Variants in CACNA2D3 observed in about 807,000 individuals in gnomAD.
The protein encoded by CACNA2D3 is calcium voltage-gated channel auxiliary subunit alpha2delta 3.
CACNA2D3 carries 60 observed loss-of-function variants against 160.6 expected under a neutral mutation model. The ratio of observed to expected loss-of-function variants is 0.37; its 90% CI spans 0.30 to 0.46. CACNA2D3 has a LOEUF of 0.46. CACNA2D3 is among the 20% of genes least tolerant of loss of function. CACNA2D3 has a pLI of 1.00. For missense variants in CACNA2D3, 1,205 were observed against 1,365.0 expected (o/e 0.88, Z 1.85); for synonymous variants, 558 against 492.9 (o/e 1.13, Z -1.75).
chr3:54,336,243 A>G (rs1704375221), intron 3 of CACNA2D3, among the ~76,000 whole-genome samples: 1 of 152,114 alleles, frequency 6.6e-6, no homozygotes, highest in Admixed American at 6.5e-5. Flanking sequence ...CCTGACACGG[A>G]CAAGGAGAGG....
chr3:54,424,364 A>G (rs1699882612), intron 4 of CACNA2D3, among the ~76,000 whole-genome samples: 1 of 152,182 alleles, frequency 6.6e-6, no homozygotes, highest in African/African-American at 2.4e-5. Context: ...TTGAGGTACA[A>G]AAGGAGCTCT....
chr3:54,344,884 C>G (rs1210290912), intron 3 of CACNA2D3, among the ~76,000 whole-genome samples: 3 of 152,170 alleles, frequency 2.0e-5, no homozygotes, highest in African/African-American at 7.2e-5. Flanking sequence ...AAAGACCTTA[C>G]TGATAAAAAC....
At chr3:54,504,044 T>C (rs1701332342) in intron 5 of CACNA2D3, among the ~76,000 whole-genome samples, 3 of 152,190 alleles carry the variant, frequency 2.0e-5, no homozygotes, top group Admixed American at 6.5e-5. Context: ...CAAAAAGAGA[T>C]GGCTGGATGT....
chr3:55,038,711 A>G (rs1035998473), intron 35 of CACNA2D3, among the ~76,000 whole-genome samples: 1 of 151,826 alleles, frequency 6.6e-6, no homozygotes, highest in East Asian at 1.9e-4. Context: ...CAAAACAGGT[A>G]GAACAGTTCC....
chr3:54,838,002 C>A lies in CACNA2D3; in HGVS notation c.1471-566C>A, dbSNP rs140511386. Among the ~76,000 whole-genome samples the A allele has an allele frequency of 5.4e-4, 82 of 152,280 alleles. No individual in the cohort carries two copies. The East Asian group carries it at 0.015, about 28-fold the overall frequency. ...ATAAAGCCTTAAAAAAATGGCCTTT[C>A]TGACACTGAAAAGTTTTAGCAAATC... is the stretch of plus-strand genomic sequence containing the variant. On this transcript the variant is annotated intron_variant, in intron 15 of 37. Transcript: ENST00000474759.
chr3:54,974,854 A>C (rs1223759924), intron 29 of CACNA2D3, among the ~76,000 whole-genome samples: 2 of 150,042 alleles, frequency 1.3e-5, no homozygotes, highest in African/African-American at 4.8e-5. Flanking sequence ...AGGGTGACAG[A>C]TAGACATCTT....
intron 27 of CACNA2D3, among the ~76,000 whole-genome samples, chr3:54,902,006 C>T (rs575635746): frequency 6.6e-6 from 1 of 152,248 alleles, no homozygotes; most frequent in South Asian, 2.1e-4. Context: ...TTAAAAAGGC[C>T]ATTTTAATTG....
chr3:54,769,133 G>T (rs1392812887), intron 13 of CACNA2D3, among the ~76,000 whole-genome samples: 1 of 151,996 alleles, frequency 6.6e-6, no homozygotes, highest in Non-Finnish European at 1.5e-5. Flanking sequence ...ATTTATACGG[G>T]GTCAAAACAG....
chr3:54,941,525 A>C (rs1456133319), intron 27 of CACNA2D3, among the ~76,000 whole-genome samples: 1 of 152,186 alleles, frequency 6.6e-6, no homozygotes, highest in Non-Finnish European at 1.5e-5. Context: ...TGCCGGGATT[A>C]TGTGGGTGAG....
intron 25 of CACNA2D3, among the ~76,000 whole-genome samples, chr3:54,896,206 G>A (rs75991089): frequency 0.084 from 12,783 of 152,196 alleles, 670 homozygotes; most frequent in Non-Finnish European, 0.12. Context: ...CACACAGGGG[G>A]CATGAGCAGG....
intron 27 of CACNA2D3, among the ~76,000 whole-genome samples, chr3:54,924,071 TG>T (rs1700939388): frequency 6.6e-6 from 1 of 152,208 alleles, no homozygotes; most frequent in Admixed American, 6.5e-5. Context: ...TCTCTTGCTT[TG>T]CTGTTGTCAT....
intron 11 of CACNA2D3, among the ~76,000 whole-genome samples, chr3:54,669,187 T>C (rs1297759798): frequency 6.6e-6 from 1 of 152,198 alleles, no homozygotes; most frequent in South Asian, 2.1e-4. Context: ...CATGCTTGGC[T>C]TAATGCTCTG....
intron 35 of CACNA2D3, among the ~76,000 whole-genome samples, chr3:55,066,925 A>G (rs1704654021): frequency 6.6e-6 from 1 of 152,024 alleles, no homozygotes; most frequent in South Asian, 2.1e-4. Flanking sequence ...GCCCAGCTGG[A>G]TGGAGGTGTG....
intron 2 of CACNA2D3, among the ~76,000 whole-genome samples, chr3:54,205,499 A>C (rs569201751): frequency 1.3e-5 from 2 of 152,332 alleles, no homozygotes; most frequent in East Asian, 3.9e-4. Context: ...AAATGTGTTT[A>C]TGGCCAGTGT....
intron 3 of CACNA2D3, among the ~76,000 whole-genome samples, chr3:54,360,028 T>G (rs1478654207): frequency 6.6e-6 from 1 of 152,214 alleles, no homozygotes; most frequent in Non-Finnish European, 1.5e-5. Flanking sequence ...ATGCTGGGTG[T>G]GTTTTCAGCA....
At chr3:54,736,046 CACATACATATGTATGTATATATAT>C (rs1701503368) in intron 11 of CACNA2D3, among the ~76,000 whole-genome samples, 1 of 71,468 alleles carries the variant, frequency 1.4e-5, no homozygotes, top group African/African-American at 6.3e-5. Context: ...TATATATATA[CACATACATATGTATGTATATATAT>C]ATACATATAT....
chr3:54,509,521 C>G (rs1701425744), intron 5 of CACNA2D3, among the ~76,000 whole-genome samples: 1 of 152,068 alleles, frequency 6.6e-6, no homozygotes, highest in Non-Finnish European at 1.5e-5. Flanking sequence ...TATTGGGAGT[C>G]AAGATCAGAG....
rs569056299 is a variant in CACNA2D3 at position 54,653,631 on chromosome 3, T to G, written c.1167+11390T>G. ...CTGGTTTAATTACTTCTGCTGGTAT[T>G]AGACATCTTGTGACTCCAGCAAGAA... On this transcript the variant is annotated intron_variant, in intron 11 of 37. Transcript: ENST00000474759. Among the ~76,000 whole-genome samples the G allele has an allele frequency of 3.5e-4, 53 of 152,342 alleles. 1 individual carries two copies. In the South Asian group the frequency reaches 0.01, roughly 29 times the overall value.
intron 27 of CACNA2D3, among the ~76,000 whole-genome samples, chr3:54,930,305 G>A (rs1177994579): frequency 6.6e-6 from 1 of 152,128 alleles, no homozygotes; most frequent in Non-Finnish European, 1.5e-5. Flanking sequence ...TCTATCAAAT[G>A]AGGGGGTTGG....
Sources: allele counts gnomAD v4.1 joint callset (sites outside exome capture counted in the v4.1 genomes callset), GRCh38; gene constraint gnomAD v4.1.1; transcripts MANE v1.5; gene names NCBI Gene and HGNC (gene_info 2026-07-23, HGNC 2026-07-21).